VAT1L: variants seen among roughly 807,000 people sequenced by gnomAD.
VAT1L encodes vesicle amine transport 1 like.
VAT1L carries 34 observed loss-of-function variants against 44.1 expected under a neutral mutation model. The observed-to-expected ratio is 0.77, with a 90% CI of 0.59 to 1.03. VAT1L has a LOEUF of 1.03. Among genes scored for constraint, VAT1L ranks in the 50% least tolerant of loss-of-function variants. The pLI, the probability that VAT1L is intolerant of heterozygous loss-of-function variation, is 0.00. For synonymous variants in VAT1L, 253 were observed against 202.2 expected, an observed-to-expected ratio of 1.25 and a Z score of -2.13; for missense variants, 615 against 538.8, an observed-to-expected ratio of 1.14 and a Z score of -1.40.
At chr16:77,961,194 C>T (rs1022600785) in intron 7 of VAT1L, among the ~76,000 whole-genome samples, 2 of 152,064 alleles carry the variant, frequency 1.3e-5, no homozygotes, top group Admixed American at 6.5e-5. Context: ...TCTTTGTTGG[C>T]TGCACGTCTA....
chr16:77,871,598 C>T (rs1046747596), intron 4 of VAT1L, among the ~76,000 whole-genome samples: 1 of 152,174 alleles, frequency 6.6e-6, no homozygotes, highest in African/African-American at 2.4e-5. Context: ...CCACTCTATG[C>T]AGTGGGCCCA....
intron 7 of VAT1L, among the ~76,000 whole-genome samples, chr16:77,903,308 G>A (rs747664930): frequency 3.3e-5 from 5 of 152,150 alleles, no homozygotes; most frequent in Non-Finnish European, 5.9e-5. Flanking sequence ...TTTGCTTTTC[G>A]TTTTTCTTTT....
At chr16:77,902,988 A>T in intron 7 of VAT1L, among the ~76,000 whole-genome samples, 1 of 151,612 alleles carries the variant, frequency 6.6e-6, no homozygotes, top group East Asian at 1.9e-4. Context: ...AAAAAAAAAA[A>T]AAGAAAGAAA....
At chr16:77,849,782 A>T (rs1363362554) in intron 3 of VAT1L, among the ~76,000 whole-genome samples, 1 of 152,178 alleles carries the variant, frequency 6.6e-6, no homozygotes, top group East Asian at 1.9e-4. Flanking sequence ...TCTGATCCAG[A>T]AGCCTCCGAT....
intron 7 of VAT1L, among the ~76,000 whole-genome samples, chr16:77,932,972 C>T (rs941944351): frequency 7.9e-5 from 12 of 152,196 alleles, no homozygotes; most frequent in African/African-American, 2.9e-4. Context: ...CAATTCTCCC[C>T]CACACATTTC....
intron 7 of VAT1L, among the ~76,000 whole-genome samples, chr16:77,960,242 C>T (rs547450178): frequency 6.6e-6 from 1 of 152,230 alleles, no homozygotes; most frequent in South Asian, 2.1e-4. Context: ...CCACTGTCTT[C>T]CCAGGGCTTA....
At chr16:77,913,986 T>C (rs1366126118) in intron 7 of VAT1L, among the ~76,000 whole-genome samples, 1 of 152,188 alleles carries the variant, frequency 6.6e-6, no homozygotes, top group African/African-American at 2.4e-5. Flanking sequence ...CCTTATTTTC[T>C]CAAGCTCTTT....
chr16:77,851,104 A>G (rs2016804179), intron 3 of VAT1L, among the ~76,000 whole-genome samples: 1 of 152,222 alleles, frequency 6.6e-6, no homozygotes, highest in African/African-American at 2.4e-5. Context: ...ACTGTGGGGC[A>G]AGCAAGAGAT....
rs528954884 is a variant in VAT1L at position 77,974,052 on chromosome 16, G to A, written c.1161+2119G>A. On this transcript the variant is annotated intron_variant, in intron 8 of 8. Transcript: ENST00000302536. ...ATTTTTAAAAGTATTTCCTTGACTT[G>A]TAACCATAATGTAATTTGGGTATGA... 8.8e-4 allele frequency among the ~76,000 whole-genome samples: 134 copies of A among 152,300 alleles called. 1 individual carries two copies. Among genetic ancestry groups the A allele is most frequent in the African/African-American group, 2.9e-3 (120 of 41,556 alleles).
chr16:77,924,563 C>G (rs938551058), intron 7 of VAT1L, among the ~76,000 whole-genome samples: 2 of 152,060 alleles, frequency 1.3e-5, no homozygotes, highest in South Asian at 4.1e-4. Flanking sequence ...CAGATTCAAG[C>G]GATTCTCCTG....
At position 77,879,834 on chromosome 16, in the gene VAT1L, G is replaced by C. The variant is rs2017130698; in HGVS notation, c.882+610G>C. 6.6e-6 allele frequency among the ~76,000 whole-genome samples: 1 copy of C among 152,170 alleles called. No homozygotes were observed. The highest frequency in any genetic ancestry group is 1.5e-5 in the Non-Finnish European group (1 of 68,032). On this transcript the variant is annotated intron_variant, in intron 6 of 8. Coordinates refer to ENST00000302536, the MANE Select transcript of VAT1L (RefSeq NM_020927.3). The surrounding 1 kb of genome is among the most constrained non-coding windows in gnomAD (Gnocchi z 4.1). ...TTGGTCAAAAATGAACTTAGCATTA[G>C]TGCATTTTCTTTGCTCCATAGAGCG...
At chr16:77,802,617 C>CACAA (rs1438107256) in intron 1 of VAT1L, among the ~76,000 whole-genome samples, 108 of 11,124 alleles carry the variant, frequency 9.7e-3, no homozygotes, top group African/African-American at 0.046. Context: ...CCATCTCAAA[C>CACAA]ACACACACAC....
At chr16:77,822,235 A>G (rs1184345661) in intron 2 of VAT1L, among the ~76,000 whole-genome samples, 1 of 152,108 alleles carries the variant, frequency 6.6e-6, no homozygotes, top group East Asian at 1.9e-4. Context: ...CCCAGGTTCA[A>G]GTGATTCTCC....
At chr16:77,931,247 G>C (rs541521055) in intron 7 of VAT1L, among the ~76,000 whole-genome samples, 1 of 152,124 alleles carries the variant, frequency 6.6e-6, no homozygotes, top group South Asian at 2.1e-4. Flanking sequence ...ATAAAATGAC[G>C]TCAGCACCCT....
At chr16:77,900,812 A>G (rs1345065650) in intron 7 of VAT1L, among the ~76,000 whole-genome samples, 1 of 151,926 alleles carries the variant, frequency 6.6e-6, no homozygotes, top group East Asian at 1.9e-4. Flanking sequence ...ACTCCCATAC[A>G]TCTTTTCCCT....
rs201044786 is a variant in VAT1L, at chr16:77,819,378, C to CT, written c.363+2338dup. On this transcript the variant is annotated intron_variant, in intron 2 of 8. Transcript: ENST00000302536. ...TGAAGATGATATTCTTTTCTTTTTT[C>CT]TTTTTTTTTTCTTTTTCTTTTTAGA... 4.5e-3 allele frequency among the ~76,000 whole-genome samples: 682 copies of CT among 150,116 alleles called. 18 individuals are homozygous for CT. The highest frequency in any genetic ancestry group is 0.03 in the Admixed American group (449 of 15,018).
chr16:77,950,119 A>G (rs2018023571), intron 7 of VAT1L, among the ~76,000 whole-genome samples: 1 of 152,186 alleles, frequency 6.6e-6, no homozygotes, highest in East Asian at 1.9e-4. Context: ...TTAAAACACA[A>G]AAACATTGGC....
intron 7 of VAT1L, among the ~76,000 whole-genome samples, chr16:77,937,302 G>C (rs936968137): frequency 2.0e-5 from 3 of 152,180 alleles, no homozygotes; most frequent in Non-Finnish European, 4.4e-5. Context: ...AAAGATGGGC[G>C]GGTGGCCAGA....
intron 2 of VAT1L, among the ~76,000 whole-genome samples, chr16:77,823,273 G>T (rs17717463): frequency 6.6e-6 from 1 of 151,780 alleles, no homozygotes; most frequent in East Asian, 1.9e-4. Flanking sequence ...CTGAAACATC[G>T]TCATCATAGT....
Sources: allele counts gnomAD v4.1 joint callset (sites outside exome capture counted in the v4.1 genomes callset), GRCh38; gene constraint gnomAD v4.1.1; non-coding constraint Gnocchi (gnomAD v3.1); transcripts MANE v1.5; gene names NCBI Gene and HGNC (gene_info 2026-07-23, HGNC 2026-07-21).